The following ROBO2 variants were observed in gnomAD, a reference collection of about 807,000 sequenced individuals.
The protein encoded by ROBO2 is roundabout guidance receptor 2.
A neutral mutation model predicts 160.8 loss-of-function variants in ROBO2; 53 were observed. That is an observed-to-expected ratio of 0.33 (90% CI 0.26 to 0.41). The LOEUF (loss-of-function observed/expected upper bound fraction) is 0.41. ROBO2 is among the 10% of genes least tolerant of loss of function. ROBO2 has a pLI of 1.00. For synonymous variants in ROBO2, 664 were observed against 611.7 expected, an observed-to-expected ratio of 1.09 and a Z score of -1.26; for missense variants, 1,577 against 1,722.4, an observed-to-expected ratio of 0.92 and a Z score of 1.49.
At chr3:76,635,691 A>G (rs1452004308) in intron 2 of ROBO2, among the ~76,000 whole-genome samples, 1 of 152,086 alleles carries the variant, frequency 6.6e-6, no homozygotes, top group African/African-American at 2.4e-5. Flanking sequence ...TATATGATAG[A>G]GATTTTCAAA....
At chr3:77,569,065 A>T (rs1195790729) in intron 13 of ROBO2, among the ~76,000 whole-genome samples, 1 of 151,920 alleles carries the variant, frequency 6.6e-6, no homozygotes, top group African/African-American at 2.4e-5. Context: ...CAGTTGATGG[A>T]TGTTCGGGTT....
intron 2 of ROBO2, among the ~76,000 whole-genome samples, chr3:76,422,316 C>T (rs2108936275): frequency 6.6e-6 from 1 of 152,270 alleles, no homozygotes; most frequent in South Asian, 2.1e-4. Flanking sequence ...TATGTCTGGG[C>T]TCCAGACCCT....
intron 2 of ROBO2, among the ~76,000 whole-genome samples, chr3:77,289,145 T>C (rs971432340): frequency 1.3e-5 from 2 of 152,180 alleles, no homozygotes; most frequent in African/African-American, 4.8e-5. Context: ...AGTTTATTTA[T>C]AGGCTCTACA....
intron 2 of ROBO2, among the ~76,000 whole-genome samples, chr3:76,291,454 T>C (rs919178081): frequency 2.0e-5 from 3 of 152,228 alleles, no homozygotes; most frequent in Middle Eastern, 3.4e-3. Context: ...TTATCAATCA[T>C]ATGTATTCTT....
intron 2 of ROBO2, among the ~76,000 whole-genome samples, chr3:76,325,661 T>C (rs1293538021): frequency 2.6e-5 from 4 of 152,008 alleles, no homozygotes; most frequent in Non-Finnish European, 4.4e-5. Flanking sequence ...TGATTTTTTA[T>C]TAATGCTACT....
intron 2 of ROBO2, among the ~76,000 whole-genome samples, chr3:76,543,535 C>T (rs1052298011): frequency 5.9e-5 from 9 of 152,084 alleles, no homozygotes; most frequent in African/African-American, 2.2e-4. Context: ...GTAAAGAGTA[C>T]GGGCTCAGAG....
At chr3:77,007,834 A>T (rs116397658) in intron 2 of ROBO2, among the ~76,000 whole-genome samples, 2,550 of 152,138 alleles carry the variant, frequency 0.017, 75 homozygotes, top group African/African-American at 0.057. Flanking sequence ...ATGCTTTTAA[A>T]AATAATTTTA....
chr3:76,620,011 T>C (rs540847064), intron 2 of ROBO2, among the ~76,000 whole-genome samples: 3 of 152,274 alleles, frequency 2.0e-5, no homozygotes, highest in Admixed American at 1.3e-4. Context: ...ATAAAACATA[T>C]GTCTAGTTGG....
chr3:77,167,245 G>A (rs929530032), intron 2 of ROBO2, among the ~76,000 whole-genome samples: 2 of 151,948 alleles, frequency 1.3e-5, no homozygotes, highest in African/African-American at 2.4e-5. Context: ...TACTACCATG[G>A]AATGGAAAAT....
intron 1 of ROBO2, among the ~76,000 whole-genome samples, chr3:75,919,199 T>A: frequency 6.6e-6 from 1 of 152,188 alleles, no homozygotes; most frequent in Admixed American, 6.5e-5. Flanking sequence ...CTTATTATTT[T>A]GAGATATGTT....
In ROBO2 at chr3:76,484,285, G is replaced by A. The variant is rs1022532569; in HGVS notation, c.109+546683G>A. On this transcript the variant is annotated intron_variant, in intron 2 of 26. Transcript: ENST00000487694. The stretch of plus-strand genomic sequence containing the variant: ...CTAAATATGTGCTCTGAATATTGGA[G>A]AGGGAAAAATGGTTGGTAGGGCTAC... Among the ~76,000 whole-genome samples the A allele has an allele frequency of 2.6e-5, 4 of 152,262 alleles. No homozygotes were observed. The South Asian group carries it at 8.3e-4, about 32-fold the overall frequency.
chr3:77,126,693 G>A (rs989794402), intron 2 of ROBO2, among the ~76,000 whole-genome samples: 1 of 146,666 alleles, frequency 6.8e-6, no homozygotes, highest in African/African-American at 2.7e-5. Flanking sequence ...AAGGAATATG[G>A]GTGGATATAT....
At chr3:76,749,676 G>T (rs1489349577) in intron 2 of ROBO2, among the ~76,000 whole-genome samples, 1 of 152,082 alleles carries the variant, frequency 6.6e-6, no homozygotes, top group African/African-American at 2.4e-5. Flanking sequence ...CAATGGCAGG[G>T]CATAGGCCAA....
intron 9 of ROBO2, among the ~76,000 whole-genome samples, chr3:77,560,938 T>C (rs571912255): frequency 2.2e-4 from 33 of 152,168 alleles, no homozygotes; most frequent in Non-Finnish European, 4.0e-4. Context: ...ATATTTAGTT[T>C]GTGAGTGATG....
At chr3:76,321,277 G>A (rs1299731495) in intron 2 of ROBO2, among the ~76,000 whole-genome samples, 1 of 152,136 alleles carries the variant, frequency 6.6e-6, no homozygotes, top group Non-Finnish European at 1.5e-5. Context: ...CAGACTTTGG[G>A]AGGCCGAGGT....
chr3:77,341,767 G>T (rs773349758), intron 2 of ROBO2, among the ~76,000 whole-genome samples: 2 of 151,946 alleles, frequency 1.3e-5, no homozygotes, highest in Non-Finnish European at 2.9e-5. Context: ...GTTGTGCTTT[G>T]TGGAATAGAT....
At chr3:76,372,353 G>C (rs2076146359) in intron 2 of ROBO2, among the ~76,000 whole-genome samples, 1 of 151,782 alleles carries the variant, frequency 6.6e-6, no homozygotes, top group Non-Finnish European at 1.5e-5. Flanking sequence ...TGAACAACAT[G>C]TACCTAGTAC....
chr3:77,486,313 T>C (rs1233173554), intron 4 of ROBO2, among the ~76,000 whole-genome samples: 1 of 152,166 alleles, frequency 6.6e-6, no homozygotes, highest in Non-Finnish European at 1.5e-5. Flanking sequence ...ATGGTATTTC[T>C]GGTTCTAGAT....
chr3:77,073,027 T>TA (rs1174561180), intron 1 of ROBO2, among the ~76,000 whole-genome samples: 1 of 152,214 alleles, frequency 6.6e-6, no homozygotes, highest in African/African-American at 2.4e-5. Context: ...GCTAGGCCTT[T>TA]ATGATGTTTA....
Sources: allele counts gnomAD v4.1 joint callset (sites outside exome capture counted in the v4.1 genomes callset), GRCh38; gene constraint gnomAD v4.1.1; transcripts MANE v1.5; gene names NCBI Gene and HGNC (gene_info 2026-07-23, HGNC 2026-07-21).